PRDM5: variants seen among roughly 807,000 people sequenced by gnomAD.
PRDM5 encodes the protein PR domain zinc finger protein 5.
In PRDM5, 56 loss-of-function variants were observed where a neutral mutation model predicts 81.2. The ratio of observed to expected loss-of-function variants is 0.69; its 90% CI spans 0.56 to 0.86. The LOEUF (loss-of-function observed/expected upper bound fraction) is 0.86. Ranked by LOEUF, PRDM5 falls within the 40% of genes least tolerant of loss-of-function variation. The pLI is 0.00. For synonymous variants in PRDM5, 267 were observed against 256.4 expected, an observed-to-expected ratio of 1.04 and a Z score of -0.39; for missense variants, 697 against 770.1, an observed-to-expected ratio of 0.91 and a Z score of 1.12.
At chr4:120,715,114 C>G (rs757084521) in intron 14 of PRDM5, among the ~76,000 whole-genome samples, 4 of 152,104 alleles carry the variant, frequency 2.6e-5, no homozygotes, top group Non-Finnish European at 4.4e-5. Flanking sequence ...TACAGTTTGT[C>G]TCATTTTCCC....
chr4:120,737,987 A>T (rs1319066316), intron 14 of PRDM5, among the ~76,000 whole-genome samples: 2 of 152,232 alleles, frequency 1.3e-5, no homozygotes, highest in Non-Finnish European at 2.9e-5. Context: ...AAGAGATGTG[A>T]GCTACAATTC....
In PRDM5 at chr4:120,872,160, A is replaced by AG. The variant is rs1460628369; in HGVS notation, c.178-18621_178-18620insC. ...AGCAAGACTCCATCTCAAAAAAAAA[A>AG]AAAAAAAAAAAAAACCTGTACAGAG... On this transcript the variant is annotated intron_variant, in intron 2 of 15. Coordinates refer to ENST00000264808, the MANE Select transcript of PRDM5 (RefSeq NM_018699.4). Among the ~76,000 whole-genome samples the AG allele has an allele frequency of 1.9e-4, 28 of 147,082 alleles. No individual in the cohort carries two copies. The East Asian group carries it at 3.3e-3, about 18-fold the overall frequency.
intron 1 of PRDM5, among the ~76,000 whole-genome samples, chr4:120,919,270 C>A (rs916674622): frequency 2.0e-5 from 3 of 152,150 alleles, no homozygotes; most frequent in Non-Finnish European, 4.4e-5. Flanking sequence ...TGCTGCCTAT[C>A]TCCCCACATA....
chr4:120,699,153 G>GAAATAT (rs1281394583), intron 15 of PRDM5, among the ~76,000 whole-genome samples: 1,956 of 97,142 alleles, frequency 0.02, 32 homozygotes, highest in East Asian at 0.028. Context: ...GCAATTATAG[G>GAAATAT]AAATATAAAT....
intron 13 of PRDM5, among the ~76,000 whole-genome samples, chr4:120,767,368 T>A (rs1578655121): frequency 6.6e-6 from 1 of 152,170 alleles, no homozygotes; most frequent in African/African-American, 2.4e-5. Flanking sequence ...AAACGCCAAC[T>A]GGCAAATTGG....
chr4:120,843,809 T>G (rs527265754), intron 3 of PRDM5, among the ~76,000 whole-genome samples: 1 of 152,278 alleles, frequency 6.6e-6, no homozygotes, highest in South Asian at 2.1e-4. Context: ...ATTTTAATCT[T>G]ATCCCTAGGG....
chr4:120,816,326 C>T (rs370744501), intron 7 of PRDM5, 127 bp downstream of exon 7: 73 of 1,482,996 alleles, frequency 4.9e-5, no homozygotes, highest in South Asian at 4.0e-4. Context: ...CCACTGCCAG[C>T]GCTCCACATC....
intron 1 of PRDM5, among the ~76,000 whole-genome samples, chr4:120,916,180 G>A (rs1289411614): frequency 6.6e-6 from 1 of 152,086 alleles, no homozygotes; most frequent in African/African-American, 2.4e-5. Flanking sequence ...CTTGAGGTCA[G>A]GAGTTCGAGA....
Position 120,874,744 on chromosome 4 carries a change from GTTTC to G in PRDM5, c.178-21208_178-21205del, listed in dbSNP as rs546919329. Among the ~76,000 whole-genome samples, 290 of 152,296 alleles carry G rather than the reference GTTTC, an allele frequency of 1.9e-3. 1 individual carries two copies. The highest frequency in any genetic ancestry group is 3.1e-3 in the Admixed American group (48 of 15,308). On this transcript the variant is annotated intron_variant, in intron 2 of 15. Coordinates refer to ENST00000264808, the MANE Select transcript of PRDM5 (RefSeq NM_018699.4). ...CCAAAGAGGGGGAAGAAGAAATTGAGTTTCTTTTTCTTGCCCAATACTGATACTG... is the reference window on the plus strand; with the variant it reads ...CCAAAGAGGGGGAAGAAGAAATTGAGTTTTTCTTGCCCAATACTGATACTG...
intron 2 of PRDM5, among the ~76,000 whole-genome samples, chr4:120,897,320 T>C (rs72923567): frequency 0.022 from 3,358 of 152,278 alleles, 131 homozygotes; most frequent in African/African-American, 0.075. Flanking sequence ...ACTATCTTAA[T>C]TTTTCTGTTA....
intron 15 of PRDM5, among the ~76,000 whole-genome samples, chr4:120,701,651 C>T (rs369884330): frequency 2.0e-5 from 3 of 151,898 alleles, no homozygotes; most frequent in African/African-American, 4.8e-5. Flanking sequence ...GTAACAATAG[C>T]GACTGGGGAC....
chr4:120,886,779 A>G (rs1475238788), intron 2 of PRDM5, among the ~76,000 whole-genome samples: 1 of 152,158 alleles, frequency 6.6e-6, no homozygotes, highest in Non-Finnish European at 1.5e-5. Context: ...ATAATAAGGT[A>G]ATAAAAAGAC....
intron 2 of PRDM5, among the ~76,000 whole-genome samples, chr4:120,900,367 T>C (rs530632653): frequency 6.6e-6 from 1 of 152,098 alleles, no homozygotes; most frequent in East Asian, 1.9e-4. Flanking sequence ...CAAAAAACAC[T>C]CTTATACTCT....
At chr4:120,803,083 G>A (rs766938770) in intron 8 of PRDM5, among the ~76,000 whole-genome samples, 3 of 152,042 alleles carry the variant, frequency 2.0e-5, no homozygotes, top group Non-Finnish European at 4.4e-5. Flanking sequence ...TAGCTGATTC[G>A]ATCAGCTGGA....
intron 4 of PRDM5, 100 bp downstream of exon 4, chr4:120,821,071 G>T: frequency 4.6e-6 from 6 of 1,309,310 alleles, no homozygotes; most frequent in African/African-American, 1.5e-5. Flanking sequence ...CTTTATTTGA[G>T]AATGCCATAT....
chr4:120,785,417 T>C (rs1749642565), intron 10 of PRDM5, among the ~76,000 whole-genome samples: 2 of 152,184 alleles, frequency 1.3e-5, no homozygotes, highest in South Asian at 2.1e-4. Context: ...GTACTTTCTC[T>C]GAAAACTAAG....
At chr4:120,714,519 C>T (rs552016739) in intron 14 of PRDM5, among the ~76,000 whole-genome samples, 6 of 152,190 alleles carry the variant, frequency 3.9e-5, no homozygotes, top group African/African-American at 1.4e-4. Context: ...ATTTTTGATA[C>T]AATCTCATTT....
chr4:120,820,161 T>C (rs942870106), intron 4 of PRDM5, among the ~76,000 whole-genome samples: 2 of 152,188 alleles, frequency 1.3e-5, no homozygotes, highest in Admixed American at 6.5e-5. Flanking sequence ...TAGGAGATGA[T>C]TAGGTTATGA....
At chr4:120,748,516 C>G (rs116404555) in intron 14 of PRDM5, among the ~76,000 whole-genome samples, 5,316 of 152,020 alleles carry the variant, frequency 0.035, 302 homozygotes, top group African/African-American at 0.12. Flanking sequence ...GTGGTGCATG[C>G]CTGTAGTCTC....
Sources: allele counts gnomAD v4.1 joint callset (sites outside exome capture counted in the v4.1 genomes callset), GRCh38; gene constraint gnomAD v4.1.1; transcripts MANE v1.5; gene names NCBI Gene and HGNC (gene_info 2026-07-23, HGNC 2026-07-21).